PDE4D: variants seen among roughly 807,000 people sequenced by gnomAD.
The protein encoded by PDE4D is phosphodiesterase 4D, also known as 3',5'-cyclic-AMP phosphodiesterase 4D.
Under a neutral mutation model 87.4 loss-of-function variants are expected in PDE4D, and 24 were observed. The ratio of observed to expected loss-of-function variants is 0.27; its 90% CI spans 0.20 to 0.39. The LOEUF is 0.39. Ranked by LOEUF, PDE4D falls within the 10% of genes least tolerant of loss-of-function variation. PDE4D has a pLI of 1.00. For synonymous variants in PDE4D, 384 were observed against 383.2 expected, an observed-to-expected ratio of 1.00 and a Z score of -0.02; for missense variants, 714 against 1,041.0, an observed-to-expected ratio of 0.69 and a Z score of 4.32.
At chr5:60,238,509 C>A (rs1037070410) in intron 1 of PDE4D, among the ~76,000 whole-genome samples, 11 of 151,840 alleles carry the variant, frequency 7.2e-5, no homozygotes, top group African/African-American at 2.4e-4. Context: ...ATTGGTTTTA[C>A]CAATTTATTC....
chr5:60,056,899 C>G (rs1054129142), intron 2 of PDE4D, among the ~76,000 whole-genome samples: 9 of 151,894 alleles, frequency 5.9e-5, no homozygotes, highest in African/African-American at 2.2e-4. Context: ...AGAACTATAG[C>G]TATTTTATTC....
At chr5:59,972,281 A>T (rs1228907627) in intron 3 of PDE4D, among the ~76,000 whole-genome samples, 1 of 152,186 alleles carries the variant, frequency 6.6e-6, no homozygotes, top group Non-Finnish European at 1.5e-5. Context: ...CCCCCAAAAC[A>T]GAAGAGGATT....
chr5:60,126,575 G>A (rs1005952140), intron 2 of PDE4D, among the ~76,000 whole-genome samples: 1 of 152,138 alleles, frequency 6.6e-6, no homozygotes, highest in Non-Finnish European at 1.5e-5. Flanking sequence ...GCAACCTTAT[G>A]TGTCTGTCTG....
intron 1 of PDE4D, among the ~76,000 whole-genome samples, chr5:59,535,676 G>A (rs999555640): frequency 6.6e-6 from 1 of 152,130 alleles, no homozygotes; most frequent in African/African-American, 2.4e-5. Context: ...CCTTTAACAC[G>A]TGGGCTATAA....
chr5:60,383,026 G>A (rs75163750), intron 1 of PDE4D, among the ~76,000 whole-genome samples: 1 of 152,128 alleles, frequency 6.6e-6, no homozygotes, highest in Admixed American at 6.6e-5. Flanking sequence ...TGGAGTACAT[G>A]CAGAATAAGA....
At chr5:59,023,078 G>A (rs1755512570) in intron 6 of PDE4D, among the ~76,000 whole-genome samples, 1 of 151,878 alleles carries the variant, frequency 6.6e-6, no homozygotes. Context: ...GGGAAGCTGA[G>A]GCAGGAGAAT....
At chr5:59,958,915 G>A (rs888477629) in intron 3 of PDE4D, among the ~76,000 whole-genome samples, 3 of 152,146 alleles carry the variant, frequency 2.0e-5, no homozygotes, top group South Asian at 2.1e-4. Context: ...TCTCTTTGCT[G>A]ACGATGTGAT....
At chr5:59,530,849 T>C (rs1025532532) in intron 1 of PDE4D, among the ~76,000 whole-genome samples, 2 of 152,234 alleles carry the variant, frequency 1.3e-5, no homozygotes, top group Non-Finnish European at 2.9e-5. Context: ...GGATCAAATA[T>C]AATTTGAGAT....
chr5:59,148,753 CGGTGTGTG>C (rs1241069726), intron 5 of PDE4D, among the ~76,000 whole-genome samples: 1 of 77,546 alleles, frequency 1.3e-5, no homozygotes, highest in East Asian at 3.4e-4. Flanking sequence ...AAATATATAG[CGGTGTGTG>C]TGTGTGTGTG....
intron 1 of PDE4D, among the ~76,000 whole-genome samples, chr5:59,686,509 C>T (rs1211653141): frequency 2.6e-5 from 4 of 152,062 alleles, no homozygotes; most frequent in Non-Finnish European, 1.5e-5. Flanking sequence ...TATATCATTA[C>T]CAGTACTTTG....
At chr5:59,494,328 T>C (rs1200943333) in intron 1 of PDE4D, among the ~76,000 whole-genome samples, 1 of 152,194 alleles carries the variant, frequency 6.6e-6, no homozygotes, top group Non-Finnish European at 1.5e-5. Flanking sequence ...TAATGATGGA[T>C]TGCAGGTCTC....
intron 1 of PDE4D, among the ~76,000 whole-genome samples, chr5:59,490,257 T>C (rs1027337538): frequency 5.9e-5 from 9 of 152,182 alleles, no homozygotes; most frequent in Non-Finnish European, 1.3e-4. Context: ...AACAAAAATA[T>C]TTTAAAATAT....
intron 1 of PDE4D, among the ~76,000 whole-genome samples, chr5:60,263,037 T>G (rs1583245259): frequency 6.6e-6 from 1 of 152,194 alleles, no homozygotes; most frequent in Non-Finnish European, 1.5e-5. Flanking sequence ...ATTGACAGCT[T>G]CTCATGGGAC....
chr5:60,127,795 G>A (rs564464760), intron 2 of PDE4D: 4 of 465,378 alleles, frequency 8.6e-6, no homozygotes, highest in Non-Finnish European at 1.5e-5. Flanking sequence ...GAGTTCCAGA[G>A]GACAAATATG....
intron 1 of PDE4D, among the ~76,000 whole-genome samples, chr5:60,336,373 G>C (rs1388373891): frequency 6.6e-6 from 1 of 152,146 alleles, no homozygotes; most frequent in South Asian, 2.1e-4. Context: ...TGGCTATCCT[G>C]AGAAATAGCA....
At position 60,141,124 on chromosome 5, in the gene PDE4D, G is replaced by C. The variant is rs918089112; in HGVS notation, c.42+44433C>G. On this transcript the variant is annotated intron_variant, in intron 2 of 16. Transcript: ENST00000502484. ...CATACTCTTTTTTATAGGAAAATTG[G>C]CCCCCCTATTTCAAGCTCCAGTAAA... is the stretch of plus-strand genomic sequence containing the variant. Among the ~76,000 whole-genome samples the C allele has an allele frequency of 5.9e-5, 9 of 151,928 alleles. No individual in the cohort carries two copies. The East Asian group carries it at 1.5e-3, about 26-fold the overall frequency.
intron 2 of PDE4D, among the ~76,000 whole-genome samples, chr5:60,006,651 G>C (rs889640916): frequency 3.3e-5 from 5 of 151,900 alleles, no homozygotes; most frequent in Admixed American, 1.3e-4. Context: ...TGATGATACA[G>C]GATATTAAGG....
intron 2 of PDE4D, chr5:59,215,554 T>C (rs1581424145): frequency 1.3e-5 from 1 of 74,122 alleles, no homozygotes. Context: ...AATACATGCG[T>C]GTGTGTGTGT....
chr5:59,934,965 A>G (rs942300025), intron 3 of PDE4D, among the ~76,000 whole-genome samples: 4 of 152,176 alleles, frequency 2.6e-5, no homozygotes, highest in African/African-American at 7.2e-5. Context: ...TTAAAAATTT[A>G]TTCCACCGTA....
Sources: gnomAD v4.1 joint callset for allele counts (sites outside exome capture counted in the v4.1 genomes callset) on GRCh38, gnomAD v4.1.1 for gene constraint, MANE v1.5 for transcripts, NCBI Gene and HGNC (gene_info 2026-07-23, HGNC 2026-07-21) for gene names.